The following DSCAM variants were observed in gnomAD, a reference collection of about 807,000 sequenced individuals.
DSCAM encodes DS cell adhesion molecule.
A neutral mutation model predicts 217.7 loss-of-function variants in DSCAM; 47 were observed. That is an observed-to-expected ratio of 0.22 (90% confidence interval 0.17 to 0.28). The LOEUF is 0.28. DSCAM is among the 10% of genes least tolerant of loss of function. The probability of loss-of-function intolerance (pLI) is 1.00; values close to 1 mark genes in which losing one functional copy is unlikely to be tolerated. For synonymous variants in DSCAM, 1,056 were observed against 1,015.3 expected (o/e 1.04, Z -0.76); for missense variants, 2,080 against 2,618.3 (o/e 0.79, Z 4.49).
chr21:40,665,460 G>C (rs988894801), intron 3 of DSCAM, among the ~76,000 whole-genome samples: 3 of 152,118 alleles, frequency 2.0e-5, no homozygotes, highest in Admixed American at 2.0e-4. Flanking sequence ...TGTTCCCCTT[G>C]CCTGGAATGT....
At chr21:40,578,643 A>G (rs913448678) in intron 3 of DSCAM, among the ~76,000 whole-genome samples, 2 of 152,210 alleles carry the variant, frequency 1.3e-5, no homozygotes, top group Admixed American at 6.5e-5. Flanking sequence ...GCTCTTCACA[A>G]TAAATCTTGC....
At chr21:40,473,268 C>T (rs2075904574) in intron 3 of DSCAM, among the ~76,000 whole-genome samples, 1 of 152,172 alleles carries the variant, frequency 6.6e-6, no homozygotes, top group African/African-American at 2.4e-5. Context: ...GTGGCACATT[C>T]ATTTTGGACC....
intron 1 of DSCAM, among the ~76,000 whole-genome samples, chr21:40,800,247 C>G (rs1042645886): frequency 6.6e-6 from 1 of 152,138 alleles, no homozygotes; most frequent in Admixed American, 6.5e-5. Context: ...TTATAAATTA[C>G]CCAGTTTCAG....
intron 5 of DSCAM, among the ~76,000 whole-genome samples, chr21:40,351,269 G>C (rs2074628055): frequency 2.0e-5 from 3 of 152,118 alleles, no homozygotes; most frequent in Admixed American, 2.0e-4. Context: ...GAAAGGAAAG[G>C]CTTAAAGGGC....
chr21:40,637,003 C>A (rs2089770357), intron 3 of DSCAM, among the ~76,000 whole-genome samples: 2 of 147,474 alleles, frequency 1.4e-5, no homozygotes, highest in Non-Finnish European at 1.5e-5. Flanking sequence ...AAAGACAGGA[C>A]CCCAAAGAGA....
At chr21:40,583,240 A>C (rs561779753) in intron 3 of DSCAM, among the ~76,000 whole-genome samples, 1 of 152,360 alleles carries the variant, frequency 6.6e-6, no homozygotes, top group South Asian at 2.1e-4. Flanking sequence ...GGGCCAGTAC[A>C]CATTGTACCA....
chr21:40,532,932 A>G (rs1398213433), intron 3 of DSCAM, among the ~76,000 whole-genome samples: 1 of 151,054 alleles, frequency 6.6e-6, no homozygotes, highest in Non-Finnish European at 1.5e-5. Flanking sequence ...GCATGTGCGC[A>G]TATGTGCTTT....
chr21:40,612,868 G>A (rs185592809), intron 3 of DSCAM, among the ~76,000 whole-genome samples: 6 of 152,278 alleles, frequency 3.9e-5, no homozygotes, highest in African/African-American at 1.4e-4. Flanking sequence ...TCTTGGTAGG[G>A]AGGGGAGATT....
At chr21:40,214,633 C>A (rs1251884148) in intron 11 of DSCAM, among the ~76,000 whole-genome samples, 1 of 149,770 alleles carries the variant, frequency 6.7e-6, no homozygotes, top group Non-Finnish European at 1.5e-5. Context: ...TTCTTATAGA[C>A]TACAGGTAAA....
chr21:40,693,324 T>A (rs2090559636), intron 2 of DSCAM, among the ~76,000 whole-genome samples: 1 of 151,958 alleles, frequency 6.6e-6, no homozygotes, highest in Non-Finnish European at 1.5e-5. Context: ...TAGTCCCAGC[T>A]ACTTGGGAGG....
chr21:40,210,432 T>C (rs1424119932), intron 11 of DSCAM, among the ~76,000 whole-genome samples: 4 of 152,260 alleles, frequency 2.6e-5, no homozygotes, highest in African/African-American at 9.6e-5. Flanking sequence ...GTCCTTTAGC[T>C]TCTGGCCATG....
chr21:40,747,010 G>A (rs536096451), intron 1 of DSCAM, among the ~76,000 whole-genome samples: 19 of 151,844 alleles, frequency 1.3e-4, no homozygotes, highest in South Asian at 4.1e-4. Flanking sequence ...AAAATTTCTC[G>A]ATCAAATGAA....
At chr21:40,156,335 G>GAGAGAA (rs1169088465) in intron 16 of DSCAM, among the ~76,000 whole-genome samples, 1 of 136,800 alleles carries the variant, frequency 7.3e-6, no homozygotes, top group Non-Finnish European at 1.6e-5. Context: ...GAGAGAGAGA[G>GAGAGAA]AGAGAAAGGG....
intron 3 of DSCAM, among the ~76,000 whole-genome samples, chr21:40,495,349 C>T (rs925422019): frequency 6.6e-6 from 1 of 152,088 alleles, no homozygotes; most frequent in South Asian, 2.1e-4. Flanking sequence ...TTGATCAGTA[C>T]GATTGGTCCC....
At chr21:40,624,787 C>T (rs2089577387) in intron 3 of DSCAM, among the ~76,000 whole-genome samples, 1 of 152,072 alleles carries the variant, frequency 6.6e-6, no homozygotes. Flanking sequence ...CACACAAACA[C>T]ACACTCATCA....
intron 3 of DSCAM, among the ~76,000 whole-genome samples, chr21:40,519,057 T>G (rs1399952736): frequency 2.0e-5 from 3 of 152,206 alleles, no homozygotes; most frequent in Non-Finnish European, 2.9e-5. Context: ...TATAATCTTA[T>G]GGGACTACTG....
intron 3 of DSCAM, among the ~76,000 whole-genome samples, chr21:40,665,218 C>T (rs1216781232): frequency 6.6e-6 from 1 of 152,170 alleles, no homozygotes; most frequent in Non-Finnish European, 1.5e-5. Context: ...GGGGAGGTGG[C>T]AAATTCAGAG....
intron 1 of DSCAM, among the ~76,000 whole-genome samples, chr21:40,727,705 C>G (rs1292747457): frequency 6.6e-6 from 1 of 152,156 alleles, no homozygotes. Flanking sequence ...CACACACACT[C>G]TCATCCATCA....
intron 1 of DSCAM, among the ~76,000 whole-genome samples, chr21:40,808,138 A>G (rs1402688541): frequency 6.6e-6 from 1 of 152,172 alleles, no homozygotes; most frequent in African/African-American, 2.4e-5. Flanking sequence ...TCAATTTGGG[A>G]CAAGTCTGAA....
Sources: allele counts gnomAD v4.1 joint callset (sites outside exome capture counted in the v4.1 genomes callset), GRCh38; gene constraint gnomAD v4.1.1; transcripts MANE v1.5; gene names NCBI Gene and HGNC (gene_info 2026-07-23, HGNC 2026-07-21).